ADGRL2: variants seen among roughly 807,000 people sequenced by gnomAD.
ADGRL2 encodes calcium-independent alpha-latrotoxin receptor 2.
ADGRL2 carries 44 observed loss-of-function variants against 157.4 expected under a neutral mutation model. That is an observed-to-expected ratio of 0.28 (90% CI 0.22 to 0.36). ADGRL2 has a LOEUF of 0.36. Ranked by LOEUF, ADGRL2 falls within the 10% of genes least tolerant of loss-of-function variation. The probability of loss-of-function intolerance (pLI) is 1.00; values close to 1 mark genes in which losing one functional copy is unlikely to be tolerated. For missense variants in ADGRL2, 1,510 were observed against 1,768.9 expected, an observed-to-expected ratio of 0.85 and a Z score of 2.63; for synonymous variants, 585 against 624.7, an observed-to-expected ratio of 0.94 and a Z score of 0.95.
rs546737358 is a variant in ADGRL2 at position 81,934,827 on chromosome 1, T to G, written c.288-1901T>G. Among the ~76,000 whole-genome samples, 3 of 152,130 alleles carry G rather than the reference T, an allele frequency of 2.0e-5. No homozygotes were observed. The South Asian group carries it at 6.2e-4, about 32-fold the overall frequency. The stretch of plus-strand genomic sequence containing the variant: ...TCTAACACACAGTTGTTTATCTTTC[T>G]TCATTTCTGAGAGGTGTAAGGGTGT... On this transcript the variant is annotated intron_variant, in intron 3 of 23. Transcript: ENST00000686636.
chr1:81,462,833 T>A (rs907620936), intron 2 of ADGRL2, among the ~76,000 whole-genome samples: 3 of 152,034 alleles, frequency 2.0e-5, no homozygotes, highest in African/African-American at 2.4e-5. Flanking sequence ...GAAAAATAAG[T>A]TGGCTAGGCA....
intron 2 of ADGRL2, among the ~76,000 whole-genome samples, chr1:81,886,347 G>C (rs1267937132): frequency 6.6e-6 from 1 of 151,924 alleles, no homozygotes; most frequent in Non-Finnish European, 1.5e-5. Context: ...AATTTTTTGT[G>C]TTTTAGTAGA....
chr1:81,653,320 G>T (rs1246617312), intron 3 of ADGRL2, among the ~76,000 whole-genome samples: 18 of 135,448 alleles, frequency 1.3e-4, no homozygotes, highest in African/African-American at 3.9e-4. Context: ...AACCTTTAGG[G>T]TTTTTTTTTT....
intron 1 of ADGRL2, among the ~76,000 whole-genome samples, chr1:81,326,134 C>G (rs1371023562): frequency 6.6e-6 from 1 of 152,156 alleles, no homozygotes; most frequent in East Asian, 1.9e-4. Flanking sequence ...AAAGAATCAG[C>G]CACACAACTA....
upstream of ADGRL2, among the ~76,000 whole-genome samples, chr1:81,798,972 A>G (rs999410314): frequency 6.6e-6 from 1 of 152,164 alleles, no homozygotes; most frequent in Non-Finnish European, 1.5e-5. Context: ...AAGGGCTAAA[A>G]TATTTTGGTA....
At chr1:81,890,705 A>G (rs1048199282) in intron 2 of ADGRL2, among the ~76,000 whole-genome samples, 2 of 145,002 alleles carry the variant, frequency 1.4e-5, no homozygotes, top group Non-Finnish European at 3.0e-5. Flanking sequence ...GTGATAAGGG[A>G]ACTGTGGTGT....
rs187713834 is a variant in ADGRL2, at chr1:81,389,645, C to G, written c.-301-55391C>G. On this transcript the variant is annotated intron_variant, in intron 1 of 24. Coordinates refer to the ADGRL2 transcript ENST00000370721. ...ATGCGTCCCATGTATCATTTACCTG[C>G]TGAATGGTCTTGGGAAAGTCATCTA... Among the ~76,000 whole-genome samples the G allele has an allele frequency of 3.4e-4, 52 of 152,294 alleles. 1 individual carries two copies. The highest frequency in any genetic ancestry group is 1.7e-3 in the Admixed American group (26 of 15,290).
intron 2 of ADGRL2, among the ~76,000 whole-genome samples, chr1:81,786,697 A>G (rs1262071081): frequency 1.3e-5 from 2 of 152,328 alleles, no homozygotes; most frequent in Non-Finnish European, 2.9e-5. Context: ...TTTTTTAAAC[A>G]TATCTGGGGC....
chr1:81,931,941 C>T (rs934356287), intron 3 of ADGRL2, among the ~76,000 whole-genome samples: 3 of 152,052 alleles, frequency 2.0e-5, no homozygotes, highest in Non-Finnish European at 4.4e-5. Context: ...CGCCTGACCC[C>T]GAAATTGTTT....
At chr1:81,869,873 T>G (rs1188247909) in intron 2 of ADGRL2, among the ~76,000 whole-genome samples, 1 of 152,078 alleles carries the variant, frequency 6.6e-6, no homozygotes, top group Non-Finnish European at 1.5e-5. Flanking sequence ...TGTATTCACT[T>G]AAGTATTCAG....
At chr1:81,674,962 G>A (rs939878662) in intron 3 of ADGRL2, among the ~76,000 whole-genome samples, 1 of 152,160 alleles carries the variant, frequency 6.6e-6, no homozygotes, top group Non-Finnish European at 1.5e-5. Context: ...GAAAGTGCTG[G>A]AGGCCATATC....
intron 3 of ADGRL2, among the ~76,000 whole-genome samples, chr1:81,921,171 GT>G (rs1239748316): frequency 6.6e-6 from 1 of 152,062 alleles, no homozygotes; most frequent in Non-Finnish European, 1.5e-5. Context: ...TTATTCTAGT[GT>G]TTCTTTTACT....
chr1:81,588,718 C>A (rs536027212), intron 3 of ADGRL2, among the ~76,000 whole-genome samples: 1 of 152,148 alleles, frequency 6.6e-6, no homozygotes, highest in African/African-American at 2.4e-5. Flanking sequence ...TACCAAGATG[C>A]GGCTCAACAG....
rs367911058 is a variant in ADGRL2, at chr1:81,968,216, C to T, written c.2523+17C>T. The T allele has an allele frequency of 1.9e-5, 31 of 1,601,658 alleles. No homozygotes were observed. The highest frequency in any genetic ancestry group is 5.3e-5 in the Admixed American group (3 of 56,856). ...GAAATTGCAGTAAGTATTTGCACTT[C>T]TAATTAGTAGCAGAGAAAAACCTCA... On this transcript the variant is annotated intron_variant, in intron 14 of 23. Transcript: ENST00000686636.
intron 2 of ADGRL2, among the ~76,000 whole-genome samples, chr1:81,488,868 T>G (rs1046503760): frequency 2.0e-5 from 3 of 152,024 alleles, no homozygotes; most frequent in Non-Finnish European, 4.4e-5. Flanking sequence ...CTTAAAGATA[T>G]TCAAAAAACT....
chr1:81,954,615 C>T (rs931778795), intron 10 of ADGRL2, among the ~76,000 whole-genome samples: 24 of 152,132 alleles, frequency 1.6e-4, no homozygotes, highest in African/African-American at 5.6e-4. Context: ...TTCTGTTCCA[C>T]TCTAGTTAAT....
At chr1:81,428,557 G>C (rs1447350098) in intron 1 of ADGRL2, among the ~76,000 whole-genome samples, 1 of 152,138 alleles carries the variant, frequency 6.6e-6, no homozygotes, top group Non-Finnish European at 1.5e-5. Context: ...GATGGTTGAA[G>C]CTTAAAGGCC....
chr1:81,836,598 T>A (rs1394921671), intron 1 of ADGRL2, among the ~76,000 whole-genome samples: 1 of 152,220 alleles, frequency 6.6e-6, no homozygotes, highest in Middle Eastern at 3.4e-3. Flanking sequence ...AAGTTTGATT[T>A]GGTGATTAGG....
intron 3 of ADGRL2, among the ~76,000 whole-genome samples, chr1:81,679,780 A>C (rs2148949240): frequency 6.6e-6 from 1 of 152,310 alleles, no homozygotes; most frequent in South Asian, 2.1e-4. Flanking sequence ...CCTCATGCTA[A>C]AGATCTGTTT....
Sources: gnomAD v4.1 joint callset for allele counts (sites outside exome capture counted in the v4.1 genomes callset) on GRCh38, gnomAD v4.1.1 for gene constraint, MANE v1.5 for transcripts, NCBI Gene and HGNC (gene_info 2026-07-23, HGNC 2026-07-21) for gene names.